CD38: variants seen among roughly 807,000 people sequenced by gnomAD.
The protein encoded by CD38 is ADP-ribosyl cyclase/cyclic ADP-ribose hydrolase 1.
In CD38, 31 loss-of-function variants were observed where a neutral mutation model predicts 36.3. The ratio of observed to expected loss-of-function variants is 0.85; its 90% confidence interval spans 0.64 to 1.15. The LOEUF (loss-of-function observed/expected upper bound fraction) is 1.15, where lower values mean the gene tolerates loss of function less well. Ranked by LOEUF, CD38 falls within the 50% of genes most tolerant of loss-of-function variation. The pLI, the probability that CD38 is intolerant of heterozygous loss-of-function variation, is 0.00. For missense variants in CD38, 380 were observed against 371.9 expected (o/e 1.02, Z -0.18); for synonymous variants, 131 against 135.2 (o/e 0.97, Z 0.22).
At chr4:15,816,801 A>G in intron 2 of CD38, 161 bp downstream of exon 2, 1 of 726,202 alleles carries the variant, frequency 1.4e-6, no homozygotes, top group Non-Finnish European at 2.4e-6. Flanking sequence ...TTGAGGGGCC[A>G]TGATATAATT....
chr4:15,786,828 AG>A (rs1428058658), intron 1 of CD38, among the ~76,000 whole-genome samples: 2 of 152,014 alleles, frequency 1.3e-5, no homozygotes, highest in East Asian at 3.9e-4. Context: ...CACGGCAGGG[AG>A]GGTGGGGGGA....
chr4:15,840,102 G>A lies in CD38; in HGVS notation c.736G>A (p.Gly246Arg), dbSNP rs1354768995. The A allele has an allele frequency of 5.0e-6, 8 of 1,609,700 alleles. No individual in the cohort carries two copies. Among genetic ancestry groups the A allele is most frequent in the African/African-American group, 4.0e-5 (3 of 74,788 alleles). ...QTLEAWVIHG[G>R]REDSRDLCQD... Reference sequence around the variant, plus strand: ...ACTAGAGGCCTGGGTGATACATGGTGGAAGAGAAGATTCCAGGTATATCTT... The same window carrying A: ...ACTAGAGGCCTGGGTGATACATGGTAGAAGAGAAGATTCCAGGTATATCTT... Residue 246 changes from glycine to arginine, a missense_variant, in exon 6 of 8, where the codon GGA (glycine) becomes AGA (arginine). By Grantham distance (125) the Gly-to-Arg change is moderately radical. Coordinates refer to ENST00000226279, the MANE Select transcript of CD38 (RefSeq NM_001775.4).
rs112520978 is a variant in CD38 at position 15,795,070 on chromosome 4, C to A, written c.233+16423C>A. ...CATTTAGAATTGGCTAGGCATTATT[C>A]TTCCATTAAAGGAAACTCTTAGTAA... On this transcript the variant is annotated intron_variant, in intron 1 of 7. Coordinates refer to ENST00000226279, the MANE Select transcript of CD38 (RefSeq NM_001775.4). Among the ~76,000 whole-genome samples the A allele has an allele frequency of 7.2e-3, 1,095 of 152,220 alleles. 17 individuals carry two copies. The highest frequency in any genetic ancestry group is 0.025 in the African/African-American group (1,037 of 41,520).
intron 4 of CD38, among the ~76,000 whole-genome samples, chr4:15,836,803 A>T (rs1399141912): frequency 1.3e-5 from 2 of 152,242 alleles, no homozygotes; most frequent in Non-Finnish European, 2.9e-5. Flanking sequence ...CGATGGAAAC[A>T]GAAAAACAGC....
chr4:15,798,309 C>T (rs886526032), intron 1 of CD38, among the ~76,000 whole-genome samples: 4 of 152,208 alleles, frequency 2.6e-5, no homozygotes, highest in Non-Finnish European at 5.9e-5. Context: ...TTCCATCTCC[C>T]TTGAGTGGCT....
chr4:15,802,737 G>A (rs931976123), intron 1 of CD38, among the ~76,000 whole-genome samples: 1 of 151,804 alleles, frequency 6.6e-6, no homozygotes, highest in African/African-American at 2.4e-5. Context: ...TAGAGATAGG[G>A]TTTCACCATG....
intron 1 of CD38, among the ~76,000 whole-genome samples, chr4:15,791,489 G>GC (rs1349432462): frequency 7.6e-5 from 4 of 52,714 alleles, no homozygotes; most frequent in African/African-American, 6.6e-4. Context: ...GGGGGGGTCA[G>GC]CCCCCCGCCC....
At position 15,814,297 on chromosome 4, in the gene CD38, T is replaced by G. The variant is rs551643154; in HGVS notation, c.234-2214T>G. Among the ~76,000 whole-genome samples, 3 of 152,354 alleles carry G rather than the reference T, an allele frequency of 2.0e-5. No individual in the cohort carries two copies. The East Asian group carries it at 5.8e-4, about 29-fold the overall frequency. ...TTCGCCCACTTTTTGATGGGGTTGT[T>G]TTTTTCTTGTAAATTTGTTTAAGTT... On this transcript the variant is annotated intron_variant, in intron 1 of 7. Coordinates refer to ENST00000226279, the MANE Select transcript of CD38 (RefSeq NM_001775.4).
intron 1 of CD38, among the ~76,000 whole-genome samples, chr4:15,787,213 G>C (rs777967921): frequency 1.3e-5 from 2 of 152,264 alleles, no homozygotes; most frequent in African/African-American, 2.4e-5. Flanking sequence ...CGCAGAGGCC[G>C]GGGGGCACTG....
At chr4:15,833,481 ATAAT>A (rs1396403914) in intron 3 of CD38, among the ~76,000 whole-genome samples, 1 of 152,038 alleles carries the variant, frequency 6.6e-6, no homozygotes, top group East Asian at 1.9e-4. Flanking sequence ...TGACTCCACA[ATAAT>A]TATTTATATC....
At chr4:15,801,872 C>G (rs193145323) in intron 1 of CD38, among the ~76,000 whole-genome samples, 198 of 152,234 alleles carry the variant, frequency 1.3e-3, no homozygotes, top group Non-Finnish European at 1.9e-3. Context: ...AGTTTTTTCT[C>G]TAAAAACTGG....
intron 7 of CD38, among the ~76,000 whole-genome samples, chr4:15,847,091 T>TATA (rs565394996): frequency 5.8e-5 from 1 of 17,270 alleles, no homozygotes; most frequent in South Asian, 4.3e-3. Context: ...ATCATGCTGC[T>TATA]ATAAAGACAC....
intron 2 of CD38, among the ~76,000 whole-genome samples, chr4:15,819,479 A>G (rs2148922992): frequency 6.6e-6 from 1 of 152,314 alleles, no homozygotes; most frequent in South Asian, 2.1e-4. Flanking sequence ...ATTCTAACCC[A>G]CTGCAAAGAA....
At chr4:15,790,826 C>T (rs1560307438) in intron 1 of CD38, among the ~76,000 whole-genome samples, 1 of 148,680 alleles carries the variant, frequency 6.7e-6, no homozygotes, top group Non-Finnish European at 1.5e-5. Flanking sequence ...CTCTGCCCCG[C>T]CGCCCTGTCT....
chr4:15,785,750 T>C (rs6449184), intron 1 of CD38, among the ~76,000 whole-genome samples: 65,157 of 152,042 alleles, frequency 0.43, 16,099 homozygotes, highest in African/African-American at 0.69. Context: ...TCAGGAAAGT[T>C]CCAGCAATCA....
rs372009229 is a variant in CD38 at position 15,815,358 on chromosome 4, C to A, written c.234-1153C>A. Among the ~76,000 whole-genome samples, 16 of 152,272 alleles carry A rather than the reference C, an allele frequency of 1.1e-4. No homozygotes were observed. In the East Asian group the frequency reaches 2.9e-3, roughly 28 times the overall value. On this transcript the variant is annotated intron_variant, in intron 1 of 7. Transcript: ENST00000226279. ...CATTGAATCTATCAATTACTTTGGG[C>A]AATATGGCCATTTTCACAATATTTA...
At chr4:15,796,129 G>A (rs1723099242) in intron 1 of CD38, among the ~76,000 whole-genome samples, 1 of 151,998 alleles carries the variant, frequency 6.6e-6, no homozygotes, top group Non-Finnish European at 1.5e-5. Flanking sequence ...CTTAATAAAG[G>A]CAAAGAAGGA....
At chr4:15,836,238 G>A (rs1339396468) in intron 4 of CD38, among the ~76,000 whole-genome samples, 1 of 152,134 alleles carries the variant, frequency 6.6e-6, no homozygotes, top group Admixed American at 6.5e-5. Flanking sequence ...TTCAATGTCT[G>A]GTGAGGGCTG....
intron 1 of CD38, among the ~76,000 whole-genome samples, chr4:15,800,110 C>G (rs1324455931): frequency 6.6e-6 from 1 of 152,132 alleles, no homozygotes; most frequent in African/African-American, 2.4e-5. Context: ...AAAAGCAGTC[C>G]AAGCCTCTAA....
Sources: gnomAD v4.1 joint callset for allele counts (sites outside exome capture counted in the v4.1 genomes callset) on GRCh38, gnomAD v4.1.1 for gene constraint, MANE v1.5 for transcripts, NCBI Gene and HGNC (gene_info 2026-07-23, HGNC 2026-07-21) for gene names.